The following ZSCAN9 variants were observed in gnomAD, a reference collection of about 807,000 sequenced individuals.
ZSCAN9 encodes the protein zinc finger and SCAN domain-containing protein 9.
ZSCAN9 carries 19 observed loss-of-function variants against 23.0 expected under a neutral mutation model. That is an observed-to-expected ratio of 0.83 (90% confidence interval 0.58 to 1.21). The LOEUF is 1.21. ZSCAN9 is among the 50% of genes most tolerant of loss of function. The pLI is 0.00. For synonymous variants in ZSCAN9, 155 were observed against 164.8 expected, an observed-to-expected ratio of 0.94 and a Z score of 0.46; for missense variants, 467 against 471.5, an observed-to-expected ratio of 0.99 and a Z score of 0.09.
intron 3 of ZSCAN9, among the ~76,000 whole-genome samples, chr6:28,231,441 A>C (rs147001827): frequency 3.9e-5 from 6 of 152,120 alleles, no homozygotes; most frequent in Non-Finnish European, 8.8e-5. Flanking sequence ...AATGGTGCCA[A>C]ATTTAAAACT....
Position 28,232,718 on chromosome 6 carries a change from AG to A in ZSCAN9, c.726del (p.Arg243GlyfsTer7), listed in dbSNP as rs776597282. The A allele has an allele frequency of 6.2e-7, 1 of 1,614,214 alleles. No homozygotes were observed. The highest frequency in any genetic ancestry group is 8.5e-7 in the Non-Finnish European group (1 of 1,180,048). ...GEVGEHKDRI[E>X]RQWGNLLGEG... ...GTTGGTGAACATAAGGATAGGATAG[AG>A]AGGCAGTGGGGAAACCTCTTAGGAG... On this transcript the variant is annotated frameshift_variant, in exon 4 of 4. Coordinates refer to ENST00000252207, the MANE Select transcript of ZSCAN9 (RefSeq NM_006299.5). LOFTEE classifies it low-confidence loss of function (END_TRUNC).
In ZSCAN9 at chr6:28,230,310, C is replaced by A. The variant is rs1025400074; in HGVS notation, c.569-2252C>A. ...TGGGAAATGTCTGAATTTTTATATT[C>A]TACCCAGCTCCCTTATGGATTTCAG... On this transcript the variant is annotated intron_variant, in intron 3 of 3. Coordinates refer to ENST00000252207, the MANE Select transcript of ZSCAN9 (RefSeq NM_006299.5). 7.4e-6 allele frequency: 11 copies of A among 1,493,158 alleles called. No individual in the cohort carries two copies. The African/African-American group carries it at 1.4e-4, about 19-fold the overall frequency. The allele number at this position is 1,493,158 out of a possible 1,614,324, so 92.5% of individuals were successfully genotyped here.
chr6:28,227,455 T>C lies in ZSCAN9; in HGVS notation c.371T>C (p.Val124Ala). The change falls in exon 2 of 4, where the codon GTG becomes GCG. Residue 124 changes from valine to alanine, a missense_variant. By Grantham distance (64) the Val-to-Ala change is moderately conservative. Coordinates refer to ENST00000252207, the MANE Select transcript of ZSCAN9 (RefSeq NM_006299.5). ...EHCPESGEEA[V>A]ILLEDLEREL... ...TGTCCAGAGAGTGGAGAAGAGGCTGTGATTTTGCTGGAGGATCTGGAGAGA... is the reference window on the plus strand; with the variant it reads ...TGTCCAGAGAGTGGAGAAGAGGCTGCGATTTTGCTGGAGGATCTGGAGAGA... The C allele has an allele frequency of 1.2e-6, 2 of 1,612,728 alleles. No individual in the cohort carries two copies. The highest frequency in any genetic ancestry group is 8.5e-7 in the Non-Finnish European group (1 of 1,179,306).
At chr6:28,230,305 A>G (rs1760261011) in intron 3 of ZSCAN9, 1 of 1,481,118 alleles carries the variant, frequency 6.8e-7, no homozygotes, top group South Asian at 1.3e-5. Flanking sequence ...CTGAATTTTT[A>G]TATTCTACCC....
rs1324429603 is a variant in ZSCAN9 at position 28,227,271 on chromosome 6, A to AC, written c.191dup (p.Gly65TrpfsTer72). ...CTTTCGACAGCTGTGCTACCAAGAGACCCCTGGACCAAGGGAGGCTCTTAC... is the reference window on the plus strand; with the variant it reads ...CTTTCGACAGCTGTGCTACCAAGAGACCCCCTGGACCAAGGGAGGCTCTTAC... On this transcript the variant is annotated frameshift_variant, in exon 2 of 4. Transcript: ENST00000252207. LOFTEE classifies it high-confidence loss of function. 3 of 1,613,948 alleles carry AC rather than the reference A, an allele frequency of 1.9e-6. No homozygotes were observed. Among genetic ancestry groups the AC allele is most frequent in the Non-Finnish European group, 2.5e-6 (3 of 1,180,000 alleles).
At position 28,233,194 on chromosome 6, in the gene ZSCAN9, A is replaced by G; in HGVS notation, c.*16A>G. The G allele has an allele frequency of 6.2e-7, 1 of 1,601,442 alleles. No homozygotes were observed. Among genetic ancestry groups the G allele is most frequent in the African/African-American group, 1.3e-5 (1 of 74,634 alleles). ...GCTGGTCTAGGGCTTGGCTATGAGC[A>G]AGTTTTCCAGATCACCACCCAAGTT... On this transcript the variant is annotated 3_prime_UTR_variant, in exon 4 of 4. Transcript: ENST00000252207.
In ZSCAN9 at chr6:28,232,191, CGTGGGGGT is replaced by C. The variant is rs1760322782; in HGVS notation, c.569-369_569-362del. On this transcript the variant is annotated intron_variant, in intron 3 of 3. Transcript: ENST00000252207. ...TACTAAAAATACAAAATTAGTTGGG[CGTGGGGGT>C]GCGTGCCTGTAGTTTCAACTACTTG... is the stretch of plus-strand genomic sequence containing the variant. Among the ~76,000 whole-genome samples, 2 of 152,024 alleles carry C rather than the reference CGTGGGGGT, an allele frequency of 1.3e-5. 1 individual carries two copies. The highest frequency in any genetic ancestry group is 1.3e-4 in the Admixed American group (2 of 15,260).
chr6:28,230,507 G>A, intron 3 of ZSCAN9: 1 of 1,534,478 alleles, frequency 6.5e-7, no homozygotes, highest in Non-Finnish European at 8.7e-7. Context: ...TCTTGTATGT[G>A]AGAGACAGGA....
In ZSCAN9 at chr6:28,232,870, C is replaced by T. The variant is rs372971429; in HGVS notation, c.877C>T (p.Arg293Ter). Residue 293 changes from arginine (R) to a stop codon, truncating the protein, a stop_gained, in exon 4 of 4, where the codon CGA (arginine) becomes TGA (stop). Coordinates refer to ENST00000252207, the MANE Select transcript of ZSCAN9 (RefSeq NM_006299.5). LOFTEE classifies it low-confidence loss of function (END_TRUNC). ...TAATGAATGTGGGAAAGCCTTCAGT[C>T]GAAGTTCTGGTCTTTTTAATCACCG... ...ECNECGKAFS[R>*]SSGLFNHRGI... The T allele has an allele frequency of 4.8e-5, 77 of 1,614,012 alleles. No individual in the cohort carries two copies. The highest frequency in any genetic ancestry group is 5.7e-5 in the Non-Finnish European group (67 of 1,180,052).
At position 28,230,480 on chromosome 6, in the gene ZSCAN9, T is replaced by C. The variant is rs776193500; in HGVS notation, c.569-2082T>C. On this transcript the variant is annotated intron_variant, in intron 3 of 3. Transcript: ENST00000252207. ...GAAACATGGCCTAACAACAGAGGAGTCCTAAGAGGTACCTATTCTTGTATG... is the reference window on the plus strand; with the variant it reads ...GAAACATGGCCTAACAACAGAGGAGCCCTAAGAGGTACCTATTCTTGTATG... 6 of 1,535,542 alleles carry C rather than the reference T, an allele frequency of 3.9e-6. No individual in the cohort carries two copies. In the South Asian group the frequency reaches 7.1e-5, roughly 18 times the overall value.
chr6:28,228,939 A>G (rs141515436), intron 3 of ZSCAN9: 2 of 153,140 alleles, frequency 1.3e-5, no homozygotes, highest in African/African-American at 4.8e-5. Context: ...CCCTGCAGGA[A>G]TTGGCTCTAG....
chr6:28,232,521 G>A (rs376026382), intron 3 of ZSCAN9, 41 bp from the exon 4 acceptor site: 65 of 1,571,988 alleles, frequency 4.1e-5, no homozygotes, highest in Non-Finnish European at 5.5e-5. Flanking sequence ...CATAGGCTCA[G>A]GGAACAAGTG....
chr6:28,227,817 G>A lies in ZSCAN9; in HGVS notation c.548G>A (p.Cys183Tyr). The stretch of plus-strand genomic sequence containing the variant: ...CTCACATGTGACTCTGCTCAGAAGT[G>A]CCATTCTATTGGAGAGACAGGTGAG... ...PQLTCDSAQK[C>Y]HSIGETDEVT... is the part of the protein sequence containing the mutation. Residue 183 changes from cysteine (C) to tyrosine (Y), a missense_variant, in exon 3 of 4, where the codon TGC becomes TAC. Physicochemically the swap from Cys to Tyr is radical, Grantham distance 194. Coordinates refer to ENST00000252207, the MANE Select transcript of ZSCAN9 (RefSeq NM_006299.5). 6.2e-7 allele frequency: 1 copy of A among 1,613,560 alleles called. No homozygotes were observed. Among genetic ancestry groups the A allele is most frequent in the Non-Finnish European group, 8.5e-7 (1 of 1,179,870 alleles).
chr6:28,231,153 G>C (rs1760291342), intron 3 of ZSCAN9, among the ~76,000 whole-genome samples: 1 of 152,070 alleles, frequency 6.6e-6, no homozygotes, highest in Non-Finnish European at 1.5e-5. Flanking sequence ...GGCATAGTAA[G>C]AGATTAACAA....
In ZSCAN9 at chr6:28,232,895, G is replaced by C. The variant is rs139661640; in HGVS notation, c.902G>C (p.Arg301Pro). Residue 301 changes from arginine (R) to proline (P), a missense_variant, in exon 4 of 4, where the codon CGA (arginine) becomes CCA (proline). Coordinates refer to ENST00000252207, the MANE Select transcript of ZSCAN9 (RefSeq NM_006299.5). ...CGAAGTTCTGGTCTTTTTAATCACCGAGGAATCCACAATATACAGAAACGG... is the reference window on the plus strand; with the variant it reads ...CGAAGTTCTGGTCTTTTTAATCACCCAGGAATCCACAATATACAGAAACGG... Reference protein sequence around the residue: ...FSRSSGLFNHRGIHNIQKRYH... With the variant: ...FSRSSGLFNHPGIHNIQKRYH... The C allele has an allele frequency of 6.2e-7, 1 of 1,614,020 alleles. No individual in the cohort carries two copies. Among genetic ancestry groups the C allele is most frequent in the African/African-American group, 1.3e-5 (1 of 74,902 alleles).
rs150501877 is a variant in ZSCAN9 at position 28,232,631 on chromosome 6, A to G, written c.638A>G (p.His213Arg). 1.1e-4 allele frequency: 184 copies of G among 1,614,242 alleles called. No individual in the cohort carries two copies. Among genetic ancestry groups the G allele is most frequent in the East Asian group, 1.8e-4 (8 of 44,886 alleles). ...RKDCPKIVEP[H>R]GKMFNEQTWE... is the part of the protein sequence containing the mutation. The stretch of plus-strand genomic sequence containing the variant: ...GACTGTCCTAAGATAGTGGAACCAC[A>G]TGGGAAAATGTTTAATGAGCAGACC... The change falls in exon 4 of 4, where the codon CAT becomes CGT. Residue 213 changes from histidine to arginine, a missense_variant. His to Arg is a conservative substitution (Grantham distance 29, BLOSUM62 0). Coordinates refer to ENST00000252207, the MANE Select transcript of ZSCAN9 (RefSeq NM_006299.5).
At position 28,232,911 on chromosome 6, in the gene ZSCAN9, A is replaced by G; in HGVS notation, c.918A>G (p.Ile306Met). 1 of 1,614,204 alleles carries G rather than the reference A, an allele frequency of 6.2e-7. No homozygotes were observed. The highest frequency in any genetic ancestry group is 1.1e-5 in the South Asian group (1 of 91,074). ...GLFNHRGIHNIQKRYHCKECG... is the reference protein window; with the variant it reads ...GLFNHRGIHNMQKRYHCKECG... ...TTAATCACCGAGGAATCCACAATAT[A>G]CAGAAACGGTACCACTGCAAGGAGT... The change falls in exon 4 of 4, where the codon ATA becomes ATG. Residue 306 changes from isoleucine (I) to methionine (M), a missense_variant. By Grantham distance (10) the Ile-to-Met change is conservative. Coordinates refer to ENST00000252207, the MANE Select transcript of ZSCAN9 (RefSeq NM_006299.5).
intron 3 of ZSCAN9, 142 bp from the exon 4 acceptor site, chr6:28,232,420 C>T: frequency 7.1e-7 from 1 of 1,403,728 alleles, no homozygotes; most frequent in Non-Finnish European, 9.4e-7. Context: ...ACGTTCCTCC[C>T]TACGTAGGGG....
At chr6:28,229,306 CCTCT>C (rs1760214497) in intron 3 of ZSCAN9, 1 of 152,184 alleles carries the variant, frequency 6.6e-6, no homozygotes, top group African/African-American at 2.4e-5. Flanking sequence ...CTTTCTTCTT[CCTCT>C]CTCTATGAAC....
Sources: gnomAD v4.1 joint callset for allele counts (sites outside exome capture counted in the v4.1 genomes callset) on GRCh38, gnomAD v4.1.1 for gene constraint, MANE v1.5 for transcripts, NCBI Gene and HGNC (gene_info 2026-07-23, HGNC 2026-07-21) for gene names.